The following KAT6A variants were observed in gnomAD, a reference collection of about 807,000 sequenced individuals.
KAT6A encodes histone acetyltransferase KAT6A.
KAT6A carries 9 observed loss-of-function variants against 198.4 expected under a neutral mutation model. That is an observed-to-expected ratio of 0.05 (90% CI 0.03 to 0.08). The LOEUF (loss-of-function observed/expected upper bound fraction) is 0.08. Ranked by LOEUF, KAT6A falls within the 10% of genes least tolerant of loss-of-function variation. KAT6A has a pLI of 1.00. For missense variants in KAT6A, 2,077 were observed against 2,509.9 expected (o/e 0.83, Z 3.69); for synonymous variants, 890 against 883.0 (o/e 1.01, Z -0.14).
In KAT6A at chr8:41,942,778, T is replaced by A; in HGVS notation, c.2436+15A>T. Reference sequence around the variant, plus strand: ...ATCTTCTGTCATCAAAAATAGAGACTATTCATGCCCTTACACTGATCTCTA... The same window carrying A: ...ATCTTCTGTCATCAAAAATAGAGACAATTCATGCCCTTACACTGATCTCTA... On this transcript the variant is annotated intron_variant, in intron 14 of 16. Coordinates refer to ENST00000265713, the MANE Select transcript of KAT6A (RefSeq NM_006766.5). 6.2e-7 allele frequency: 1 copy of A among 1,611,214 alleles called. No homozygotes were observed.
intron 8 of KAT6A, among the ~76,000 whole-genome samples, chr8:41,967,543 A>G (rs1823571644): frequency 1.4e-5 from 2 of 147,910 alleles, no homozygotes; most frequent in South Asian, 2.1e-4. Context: ...GAGAATATGC[A>G]GTGTTTGGTT....
chr8:41,999,548 T>G (rs1295804013), intron 2 of KAT6A, among the ~76,000 whole-genome samples: 1 of 152,200 alleles, frequency 6.6e-6, no homozygotes, highest in African/African-American at 2.4e-5. Flanking sequence ...ACTATTTTTA[T>G]CCAGTCATTT....
intron 4 of KAT6A, 124 bp from the exon 5 acceptor site, chr8:41,981,051 G>A (rs551875567): frequency 1.4e-5 from 10 of 704,632 alleles, no homozygotes; most frequent in South Asian, 1.1e-4. Context: ...CAGGCGCAAT[G>A]GCTCACGCCT....
chr8:41,936,528 CA>C (rs1383440643), intron 16 of KAT6A, among the ~76,000 whole-genome samples: 1 of 152,116 alleles, frequency 6.6e-6, no homozygotes, highest in Non-Finnish European at 1.5e-5. Flanking sequence ...GAGACACTGG[CA>C]AAACTTTAGG....
At chr8:42,031,563 T>C (rs1354188445) in intron 2 of KAT6A, among the ~76,000 whole-genome samples, 3 of 151,386 alleles carry the variant, frequency 2.0e-5, no homozygotes, top group Non-Finnish European at 2.9e-5. Context: ...ATAATACCTA[T>C]GATTTGATAA....
chr8:41,956,024 C>T (rs1275545881), intron 8 of KAT6A, among the ~76,000 whole-genome samples: 1 of 152,212 alleles, frequency 6.6e-6, no homozygotes, highest in Non-Finnish European at 1.5e-5. Context: ...TATATACAGA[C>T]CTTCTCTTTT....
intron 3 of KAT6A, among the ~76,000 whole-genome samples, chr8:41,986,230 C>A (rs1230621136): frequency 6.6e-6 from 1 of 152,192 alleles, no homozygotes; most frequent in Non-Finnish European, 1.5e-5. Flanking sequence ...TAAGCCACTG[C>A]GCCTGGCCGA....
chr8:41,966,519 C>T (rs774610684), intron 8 of KAT6A, among the ~76,000 whole-genome samples: 23 of 152,150 alleles, frequency 1.5e-4, no homozygotes, highest in Admixed American at 2.6e-4. Context: ...GTAGTCATTG[C>T]TTCCTCAAAG....
intron 2 of KAT6A, among the ~76,000 whole-genome samples, chr8:42,003,323 G>C (rs888045391): frequency 6.6e-6 from 1 of 152,092 alleles, no homozygotes; most frequent in Admixed American, 6.6e-5. Flanking sequence ...AGAGATCTGA[G>C]ACCCAACTTT....
At chr8:42,037,361 TG>T (rs1286222810) in intron 2 of KAT6A, among the ~76,000 whole-genome samples, 1 of 152,080 alleles carries the variant, frequency 6.6e-6, no homozygotes, top group Admixed American at 6.6e-5. Context: ...ATAGAAAAAT[TG>T]GGAAACTATT....
chr8:41,946,993 T>A (rs1822428513), intron 11 of KAT6A, among the ~76,000 whole-genome samples: 1 of 152,110 alleles, frequency 6.6e-6, no homozygotes, highest in South Asian at 2.1e-4. Flanking sequence ...TCCCAAACAA[T>A]CCGTAAAGCT....
intron 2 of KAT6A, among the ~76,000 whole-genome samples, chr8:42,044,347 C>CG (rs2150929964): frequency 1.3e-5 from 2 of 152,092 alleles, no homozygotes; most frequent in South Asian, 2.1e-4. Flanking sequence ...GATCCACCCC[C>CG]CCCTCGGCAT....
At chr8:42,051,467 A>C (rs1802639328) in intron 1 of KAT6A, among the ~76,000 whole-genome samples, 1 of 147,416 alleles carries the variant, frequency 6.8e-6, no homozygotes, top group South Asian at 2.1e-4. Flanking sequence ...GGCCCGGCAC[A>C]GCCGGCACGC....
intron 2 of KAT6A, among the ~76,000 whole-genome samples, chr8:42,027,979 A>T (rs1826919196): frequency 6.6e-6 from 1 of 151,796 alleles, no homozygotes; most frequent in South Asian, 2.1e-4. Context: ...AATTTTTTTT[A>T]TTTCATTCTT....
At position 41,934,325 on chromosome 8, in the gene KAT6A, C is replaced by T. The variant is rs1821734931; in HGVS notation, c.3895G>A (p.Glu1299Lys). 1 of 1,613,968 alleles carries T rather than the reference C, an allele frequency of 6.2e-7. No individual in the cohort carries two copies. Among genetic ancestry groups the T allele is most frequent in the Non-Finnish European group, 8.5e-7 (1 of 1,180,038 alleles). Reference sequence around the variant, plus strand: ...TCTGCAGCTGCATCTTCCTCCTCCTCTGGCTCTGGCTCCTCTAATTCCTGC... The same window carrying T: ...TCTGCAGCTGCATCTTCCTCCTCCTTTGGCTCTGGCTCCTCTAATTCCTGC... ...EQQELEEPEP[E>K]EEEDAAAETA... Residue 1299 changes from glutamate to lysine, a missense_variant, in exon 17 of 17, where the codon GAG becomes AAG. Coordinates refer to ENST00000265713, the MANE Select transcript of KAT6A (RefSeq NM_006766.5).
intron 12 of KAT6A, among the ~76,000 whole-genome samples, chr8:41,946,021 C>G (rs911864105): frequency 6.8e-6 from 1 of 147,450 alleles, no homozygotes; most frequent in Non-Finnish European, 1.5e-5. Flanking sequence ...CAGAGCGAGA[C>G]TCTGTCTCTC....
At chr8:42,008,162 A>C (rs1287505888) in intron 2 of KAT6A, among the ~76,000 whole-genome samples, 2 of 152,104 alleles carry the variant, frequency 1.3e-5, no homozygotes, top group Non-Finnish European at 2.9e-5. Context: ...CCCTCAGCCA[A>C]GTATGGCTGA....
chr8:41,967,838 A>G (rs1823588278), intron 8 of KAT6A, among the ~76,000 whole-genome samples: 1 of 152,068 alleles, frequency 6.6e-6, no homozygotes, highest in African/African-American at 2.4e-5. Flanking sequence ...CAACTATCTG[A>G]TCTTTGACAA....
In KAT6A at chr8:41,934,383, G is replaced by A. The variant is rs527685141; in HGVS notation, c.3837C>T (p.Val1279=). The A allele has an allele frequency of 2.2e-5, 36 of 1,613,718 alleles. No individual in the cohort carries two copies. In the African/African-American group the frequency reaches 4.3e-4, roughly 19 times the overall value. Residue 1279 remains valine, a synonymous_variant, in exon 17 of 17, where the codon GTC becomes GTT. Coordinates refer to ENST00000265713, the MANE Select transcript of KAT6A (RefSeq NM_006766.5). ...EVEEEEEKPR[V]SEEQRQSEEE... is the part of the protein sequence containing the mutation. Reference sequence around the variant, plus strand: ...CCTCTGACTGCCTCTGCTCCTCTGAGACACGGGGCTTCTCTTCTTCCTCCT... The same window carrying A: ...CCTCTGACTGCCTCTGCTCCTCTGAAACACGGGGCTTCTCTTCTTCCTCCT...
Sources: allele counts gnomAD v4.1 joint callset (sites outside exome capture counted in the v4.1 genomes callset), GRCh38; gene constraint gnomAD v4.1.1; transcripts MANE v1.5; gene names NCBI Gene and HGNC (gene_info 2026-07-23, HGNC 2026-07-21).